The following CCDC170 variants were observed in gnomAD, a reference collection of about 807,000 sequenced individuals.
The protein encoded by CCDC170 is coiled-coil domain containing 170, also known as coiled-coil domain-containing protein 170.
Under a neutral mutation model 72.6 loss-of-function variants are expected in CCDC170, and 69 were observed. The observed-to-expected ratio is 0.95, with a 90% CI of 0.78 to 1.16. CCDC170 has a LOEUF of 1.16. Among genes scored for constraint, CCDC170 ranks in the 50% most tolerant of loss-of-function variants. The pLI, the probability that CCDC170 is intolerant of heterozygous loss-of-function variation, is 0.00. For synonymous variants in CCDC170, 300 were observed against 303.9 expected (o/e 0.99, Z 0.13); for missense variants, 852 against 832.5 (o/e 1.02, Z -0.29).
chr6:151,565,033 G>A (rs150055529), intron 5 of CCDC170, among the ~76,000 whole-genome samples: 355 of 152,314 alleles, frequency 2.3e-3, no homozygotes, highest in Non-Finnish European at 2.8e-3. Context: ...GCACCTATGC[G>A]TTGGGGAGCC....
At chr6:151,505,398 T>C (rs1782051516) in intron 1 of CCDC170, among the ~76,000 whole-genome samples, 1 of 152,114 alleles carries the variant, frequency 6.6e-6, no homozygotes. Flanking sequence ...AAAGCAAGGA[T>C]TCTTACTGGG....
intron 1 of CCDC170, among the ~76,000 whole-genome samples, chr6:151,499,095 G>C (rs1233183966): frequency 7.4e-6 from 1 of 135,192 alleles, no homozygotes; most frequent in Non-Finnish European, 1.5e-5. Flanking sequence ...GACTGTATTT[G>C]ACTATTCTAG....
At chr6:151,522,382 T>G (rs1451726180) in intron 1 of CCDC170, among the ~76,000 whole-genome samples, 1 of 152,164 alleles carries the variant, frequency 6.6e-6, no homozygotes, top group African/African-American at 2.4e-5. Context: ...ATTCTTTGAC[T>G]TCTACTTTTA....
At chr6:151,558,045 G>T (rs1783013247) in intron 5 of CCDC170, among the ~76,000 whole-genome samples, 1 of 151,994 alleles carries the variant, frequency 6.6e-6, no homozygotes, top group Non-Finnish European at 1.5e-5. Context: ...GTTGCACTGA[G>T]CCGAGATTGC....
At chr6:151,536,863 G>A (rs1038407611) in intron 2 of CCDC170, among the ~76,000 whole-genome samples, 4 of 151,628 alleles carry the variant, frequency 2.6e-5, no homozygotes, top group African/African-American at 9.7e-5. Context: ...TAGATTTAAG[G>A]CTTTTGGCAA....
intron 6 of CCDC170, among the ~76,000 whole-genome samples, 186 bp from the exon 7 acceptor site, chr6:151,585,703 A>G (rs549811666): frequency 6.6e-6 from 1 of 152,384 alleles, no homozygotes; most frequent in East Asian, 1.9e-4. Context: ...TTAATTCAAT[A>G]ATGAAAGTAG....
intron 1 of CCDC170, among the ~76,000 whole-genome samples, chr6:151,522,551 A>G (rs905393929): frequency 2.0e-5 from 3 of 152,088 alleles, no homozygotes; most frequent in African/African-American, 4.8e-5. Flanking sequence ...AAATTAGCCA[A>G]TGGGAATTAG....
chr6:151,523,433 T>C (rs1214697807), intron 1 of CCDC170, among the ~76,000 whole-genome samples: 1 of 152,170 alleles, frequency 6.6e-6, no homozygotes, highest in Admixed American at 6.5e-5. Flanking sequence ...ACGCCTGTAA[T>C]CCCAGCATTT....
intron 1 of CCDC170, among the ~76,000 whole-genome samples, chr6:151,495,974 T>A (rs1203977499): frequency 6.6e-6 from 1 of 152,060 alleles, no homozygotes; most frequent in Non-Finnish European, 1.5e-5. Context: ...TTATTGCCAA[T>A]TTTTTTTCCA....
At chr6:151,543,421 C>T (rs181047965) in intron 3 of CCDC170, among the ~76,000 whole-genome samples, 1 of 148,744 alleles carries the variant, frequency 6.7e-6, no homozygotes, top group African/African-American at 2.6e-5. Context: ...TTAGTAAATC[C>T]ATCATCTTGA....
chr6:151,520,492 G>T (rs1244238343), intron 1 of CCDC170, among the ~76,000 whole-genome samples: 1 of 152,212 alleles, frequency 6.6e-6, no homozygotes, highest in Admixed American at 6.5e-5. Flanking sequence ...GGAGGAATTT[G>T]GTTTAGAGTT....
chr6:151,532,658 A>G (rs1782507116), intron 1 of CCDC170, among the ~76,000 whole-genome samples: 3 of 152,286 alleles, frequency 2.0e-5, no homozygotes, highest in South Asian at 4.1e-4. Flanking sequence ...CAAATGAGAA[A>G]AATGATTTTA....
Position 151,557,396 on chromosome 6 carries a change from G to A in CCDC170, c.774+8907G>A, listed in dbSNP as rs182392662. On this transcript the variant is annotated intron_variant, in intron 5 of 10. Coordinates refer to ENST00000239374, the MANE Select transcript of CCDC170 (RefSeq NM_025059.4). The stretch of plus-strand genomic sequence containing the variant: ...TGCACTGCAGCTTGGGTGACAGAGC[G>A]AGATTCTGTCTCAAAAAAAAAAAAA... Among the ~76,000 whole-genome samples the A allele has an allele frequency of 7.7e-4, 108 of 140,116 alleles. 1 individual carries two copies. Among genetic ancestry groups the A allele is most frequent in the African/African-American group, 2.5e-3 (99 of 39,056 alleles). The allele number at this position is 140,116 out of a possible 152,430, so 91.9% of individuals were successfully genotyped here. A position where few individuals can be genotyped will look rare whatever the true frequency, so the allele number is the denominator to read the frequency against.
intron 6 of CCDC170, among the ~76,000 whole-genome samples, chr6:151,584,731 TG>T (rs1776428129): frequency 6.6e-6 from 1 of 152,226 alleles, no homozygotes. Context: ...TTATACCTGT[TG>T]GTTCTCAATA....
At chr6:151,602,177 A>T in intron 9 of CCDC170, among the ~76,000 whole-genome samples, 1 of 152,180 alleles carries the variant, frequency 6.6e-6, no homozygotes, top group East Asian at 1.9e-4. Flanking sequence ...GACCAAGAAA[A>T]AGTAGACCTT....
At chr6:151,605,027 ACCAACCTTTT>A (rs1177160447) in intron 9 of CCDC170, among the ~76,000 whole-genome samples, 2 of 152,170 alleles carry the variant, frequency 1.3e-5, no homozygotes, top group African/African-American at 4.8e-5. Flanking sequence ...GTATCCATTA[ACCAACCTTTT>A]CCTGTGCCCT....
intron 1 of CCDC170, among the ~76,000 whole-genome samples, chr6:151,525,853 G>A (rs1441479748): frequency 6.6e-6 from 1 of 152,162 alleles, no homozygotes; most frequent in Non-Finnish European, 1.5e-5. Flanking sequence ...GGGTCACAGG[G>A]TATATGCCAA....
At chr6:151,587,969 A>C (rs1776478837) in intron 7 of CCDC170, among the ~76,000 whole-genome samples, 1 of 152,158 alleles carries the variant, frequency 6.6e-6, no homozygotes. Flanking sequence ...GCAGGAACAA[A>C]GAAGAAATGG....
intron 1 of CCDC170, among the ~76,000 whole-genome samples, chr6:151,528,199 T>G (rs1248472501): frequency 6.6e-6 from 1 of 152,128 alleles, no homozygotes; most frequent in Non-Finnish European, 1.5e-5. Context: ...CCTAATAACT[T>G]AGATTGTCCT....
Sources: allele counts gnomAD v4.1 joint callset (sites outside exome capture counted in the v4.1 genomes callset), GRCh38; gene constraint gnomAD v4.1.1; transcripts MANE v1.5; gene names NCBI Gene and HGNC (gene_info 2026-07-23, HGNC 2026-07-21).